The following VPS13B variants were observed in gnomAD, a reference collection of about 807,000 sequenced individuals.
The protein encoded by VPS13B is vacuolar protein sorting 13 homolog B.
In VPS13B, 285 loss-of-function variants were observed where a neutral mutation model predicts 426.4. That is an observed-to-expected ratio of 0.67 (90% CI 0.61 to 0.74). VPS13B has a LOEUF of 0.74. VPS13B is among the 30% of genes least tolerant of loss of function. VPS13B has a pLI of 0.00. For synonymous variants in VPS13B, 1,676 were observed against 1,676.4 expected (o/e 1.00, Z 0.01); for missense variants, 4,537 against 4,782.6 (o/e 0.95, Z 1.51).
intron 42 of VPS13B, 129 bp downstream of exon 42, chr8:99,779,160 C>A: frequency 3.2e-6 from 3 of 938,732 alleles, no homozygotes; most frequent in Non-Finnish European, 3.3e-6. Context: ...TTGATGGGCA[C>A]CATTATACTT....
intron 8 of VPS13B, 55 bp downstream of exon 8, chr8:99,121,500 G>A: frequency 6.2e-7 from 1 of 1,605,954 alleles, no homozygotes; most frequent in Non-Finnish European, 8.5e-7. Flanking sequence ...CTTAAATTTG[G>A]ATTGTTAGTA....
intron 5 of VPS13B, among the ~76,000 whole-genome samples, chr8:99,103,922 C>G (rs992700452): frequency 6.6e-5 from 10 of 152,156 alleles, no homozygotes; most frequent in Non-Finnish European, 1.5e-4. Context: ...AGGAATGAGC[C>G]ACCATACCTG....
intron 23 of VPS13B, among the ~76,000 whole-genome samples, chr8:99,460,742 T>C (rs1319129424): frequency 6.6e-6 from 1 of 152,200 alleles, no homozygotes; most frequent in Admixed American, 6.5e-5. Context: ...TTGTTTTTTT[T>C]TTCTTCCTTG....
At chr8:99,634,764 G>A (rs566113153) in intron 33 of VPS13B, among the ~76,000 whole-genome samples, 1 of 151,884 alleles carries the variant, frequency 6.6e-6, no homozygotes, top group Admixed American at 6.6e-5. Context: ...GACACTAAAG[G>A]AGACATTTCA....
chr8:99,630,657 C>G (rs1370384422), intron 33 of VPS13B, among the ~76,000 whole-genome samples: 1 of 139,586 alleles, frequency 7.2e-6, no homozygotes, highest in African/African-American at 2.6e-5. Flanking sequence ...ATGAACTGTT[C>G]TAGGTGCTAG....
At chr8:99,420,051 T>G (rs1383643871) in intron 21 of VPS13B, among the ~76,000 whole-genome samples, 2 of 152,176 alleles carry the variant, frequency 1.3e-5, no homozygotes, top group Non-Finnish European at 2.9e-5. Flanking sequence ...CTTTATTGAT[T>G]TAAGTACTAA....
At chr8:99,594,689 G>C (rs1006147031) in intron 33 of VPS13B, among the ~76,000 whole-genome samples, 1 of 151,976 alleles carries the variant, frequency 6.6e-6, no homozygotes, top group African/African-American at 2.4e-5. Context: ...CTGTCCAGTT[G>C]ATAACACAGT....
intron 51 of VPS13B, among the ~76,000 whole-genome samples, chr8:99,831,661 A>C (rs539476969): frequency 6.6e-6 from 1 of 152,346 alleles, no homozygotes; most frequent in South Asian, 2.1e-4. Flanking sequence ...GAAAAAATAA[A>C]CTAACAATAC....
chr8:99,606,508 A>T (rs537278271), intron 33 of VPS13B, among the ~76,000 whole-genome samples: 2 of 150,364 alleles, frequency 1.3e-5, no homozygotes, highest in South Asian at 2.1e-4. Context: ...CAAAAAAAAA[A>T]AAAAAAGAAA....
At chr8:99,301,400 T>G (rs1820360302) in intron 19 of VPS13B, among the ~76,000 whole-genome samples, 1 of 151,834 alleles carries the variant, frequency 6.6e-6, no homozygotes, top group Non-Finnish European at 1.5e-5. Context: ...TTCAAGCAAT[T>G]CTCCTGCCTT....
At chr8:99,092,854 AT>A (rs1213713979) in intron 3 of VPS13B, among the ~76,000 whole-genome samples, 5 of 151,984 alleles carry the variant, frequency 3.3e-5, no homozygotes, top group African/African-American at 1.2e-4. Context: ...TTTAAAATAA[AT>A]TTTGTTTAGG....
Position 99,871,658 on chromosome 8 carries a change from A to G in VPS13B, c.11706A>G (p.Thr3902=), listed in dbSNP as rs532340798. Residue 3902 remains threonine (T), a synonymous_variant, in exon 61 of 62, where the codon ACA becomes ACG. Transcript: ENST00000357162. ...AQDSKQNNLL[T]VQLKQPRVAC... is the part of the protein sequence containing the mutation. Reference sequence around the variant, plus strand: ...ACAGCAAGCAGAACAACTTACTCACAGTGCAGCTCAAGCAGCCAAGAGTGG... The same window carrying G: ...ACAGCAAGCAGAACAACTTACTCACGGTGCAGCTCAAGCAGCCAAGAGTGG... 2.5e-6 allele frequency: 4 copies of G among 1,614,100 alleles called. No homozygotes were observed. In the East Asian group the frequency reaches 6.7e-5, roughly 27 times the overall value.
rs565366890 is a variant in VPS13B, at chr8:99,821,365, C to G, written c.9066C>G (p.Val3022=). The change falls in exon 50 of 62, where the codon GTC becomes GTG. Residue 3022 remains valine, a synonymous_variant. Transcript: ENST00000357162. ...TVHKSVAIKL[V]HNLTSPKWKD... ...ACAAGTCAGTAGCAATTAAACTGGT[C>G]CATAACCTGACATCTCCAAAGTGGA... The G allele has an allele frequency of 6.2e-7, 1 of 1,613,682 alleles. No homozygotes were observed. The highest frequency in any genetic ancestry group is 1.3e-5 in the African/African-American group (1 of 74,954).
intron 33 of VPS13B, among the ~76,000 whole-genome samples, chr8:99,597,944 C>G (rs1455469851): frequency 6.6e-6 from 1 of 151,840 alleles, no homozygotes; most frequent in African/African-American, 2.4e-5. Context: ...TAAATGGATT[C>G]CTGAATTCAT....
At chr8:99,045,805 C>T (rs1258011318) in intron 3 of VPS13B, among the ~76,000 whole-genome samples, 2 of 152,106 alleles carry the variant, frequency 1.3e-5, no homozygotes, top group East Asian at 3.9e-4. Flanking sequence ...GATAGGGTGT[C>T]CTTTCCCCAC....
chr8:99,735,100 G>A (rs1833767986), intron 39 of VPS13B, among the ~76,000 whole-genome samples: 1 of 152,042 alleles, frequency 6.6e-6, no homozygotes, highest in Non-Finnish European at 1.5e-5. Context: ...AATGGTTTGG[G>A]GAATTATCTT....
At chr8:99,739,304 G>C (rs1415810350) in intron 39 of VPS13B, among the ~76,000 whole-genome samples, 1 of 152,220 alleles carries the variant, frequency 6.6e-6, no homozygotes, top group Non-Finnish European at 1.5e-5. Context: ...TGAGGCTTGA[G>C]TAGGTAAACA....
At chr8:99,020,930 T>C (rs923218769) in intron 2 of VPS13B, among the ~76,000 whole-genome samples, 8 of 152,232 alleles carry the variant, frequency 5.3e-5, no homozygotes, top group Non-Finnish European at 8.8e-5. Flanking sequence ...CATGAAGTCA[T>C]CTGGGTAATG....
intron 39 of VPS13B, among the ~76,000 whole-genome samples, chr8:99,764,102 A>T (rs1811081707): frequency 6.6e-6 from 1 of 152,118 alleles, no homozygotes; most frequent in Non-Finnish European, 1.5e-5. Flanking sequence ...TGCTAGTAAT[A>T]TTTTTTTAAA....
Sources: gnomAD v4.1 joint callset for allele counts (sites outside exome capture counted in the v4.1 genomes callset) on GRCh38, gnomAD v4.1.1 for gene constraint, MANE v1.5 for transcripts, NCBI Gene and HGNC (gene_info 2026-07-23, HGNC 2026-07-21) for gene names.